The following PDE3A variants were observed in gnomAD, a reference collection of about 807,000 sequenced individuals.
PDE3A encodes phosphodiesterase 3A.
PDE3A carries 43 observed loss-of-function variants against 98.3 expected under a neutral mutation model. The ratio of observed to expected loss-of-function variants is 0.44; its 90% CI spans 0.34 to 0.56. The LOEUF (loss-of-function observed/expected upper bound fraction) is 0.56, where lower values mean the gene tolerates loss of function less well. PDE3A is among the 20% of genes least tolerant of loss of function. The pLI is 0.01. For synonymous variants in PDE3A, 663 were observed against 567.9 expected (o/e 1.17, Z -2.38); for missense variants, 1,427 against 1,440.7 (o/e 0.99, Z 0.15).
At position 20,481,764 on chromosome 12, in the gene PDE3A, ATTTT is replaced by A. The variant is rs10657239; in HGVS notation, c.961-74877_961-74874del. Reference sequence around the variant, plus strand: ...TCCATGTAAGTGACTTGGGAAATAGATTTTTTTTTTTTTTTTTTTTTTGAGCAGA... The same window carrying A: ...TCCATGTAAGTGACTTGGGAAATAGATTTTTTTTTTTTTTTTTTGAGCAGA... On this transcript the variant is annotated intron_variant, in intron 1 of 15. Coordinates refer to ENST00000359062, the MANE Select transcript of PDE3A (RefSeq NM_000921.5). 1.6e-4 allele frequency among the ~76,000 whole-genome samples: 13 copies of A among 79,596 alleles called. No individual in the cohort carries two copies. In the East Asian group the frequency reaches 4.5e-3, roughly 28 times the overall value. The allele number at this position is 79,596 out of a possible 152,430, so 52.2% of individuals were successfully genotyped here. A position where few individuals can be genotyped will look rare whatever the true frequency, so the allele number is the denominator to read the frequency against.
At chr12:20,580,082 T>C (rs1171818701) in intron 2 of PDE3A, among the ~76,000 whole-genome samples, 4 of 152,174 alleles carry the variant, frequency 2.6e-5, no homozygotes, top group Non-Finnish European at 5.9e-5. Flanking sequence ...TAAACTATAA[T>C]CAATTAAAAT....
rs369022716 is a variant in PDE3A at position 20,388,661 on chromosome 12, A to G, written c.960+18417A>G. Among the ~76,000 whole-genome samples, 313 of 152,162 alleles carry G rather than the reference A, an allele frequency of 2.1e-3. 1 individual carries two copies. Among genetic ancestry groups the G allele is most frequent in the African/African-American group, 7.1e-3 (297 of 41,544 alleles). ...CAGGTTCATAATGATTTTTGTTTAAAGTAATGAGCATGTTTTCTAAAAATG... is the reference window on the plus strand; with the variant it reads ...CAGGTTCATAATGATTTTTGTTTAAGGTAATGAGCATGTTTTCTAAAAATG... On this transcript the variant is annotated intron_variant, in intron 1 of 15. Transcript: ENST00000359062.
rs551304108 is a variant in PDE3A, at chr12:20,555,310, C to T, written c.961-1350C>T. 8.5e-5 allele frequency among the ~76,000 whole-genome samples: 13 copies of T among 152,250 alleles called. No individual in the cohort carries two copies. In the South Asian group the frequency reaches 1.4e-3, roughly 17 times the overall value. On this transcript the variant is annotated intron_variant, in intron 1 of 15. Transcript: ENST00000359062. ...ATTACAGGCATAAGCCACTGCGCCC[C>T]GGCCTCTAATGGATTCTTTTTTATT...
intron 4 of PDE3A, among the ~76,000 whole-genome samples, chr12:20,617,993 C>A (rs1343261119): frequency 2.0e-5 from 3 of 152,076 alleles, no homozygotes; most frequent in East Asian, 3.8e-4. Flanking sequence ...AAAATACTTA[C>A]AATAGAAATA....
Position 20,552,652 on chromosome 12 carries a change from A to C in PDE3A, c.961-4008A>C. On this transcript the variant is annotated intron_variant, in intron 1 of 15. Transcript: ENST00000359062. This position sits in a 1 kb window ranked among gnomAD's most constrained non-coding sequence, Gnocchi z 5.1. ...CAAGAAAACCAAGGTGGAGCCCTAC[A>C]GTCTCACGGCCCAGCAGAGCAGCCT... 8 of 1,613,926 alleles carry C rather than the reference A, an allele frequency of 5.0e-6. No individual in the cohort carries two copies. The South Asian group carries it at 8.8e-5, about 18-fold the overall frequency.
chr12:20,623,918 A>T (rs910617461), intron 5 of PDE3A, among the ~76,000 whole-genome samples: 3 of 152,150 alleles, frequency 2.0e-5, no homozygotes, highest in Non-Finnish European at 4.4e-5. Context: ...CCAAACAAAC[A>T]TTAAATTCAT....
chr12:20,440,803 C>T (rs1466820165), intron 1 of PDE3A, among the ~76,000 whole-genome samples: 1 of 152,108 alleles, frequency 6.6e-6, no homozygotes, highest in Non-Finnish European at 1.5e-5. Context: ...TCCCTTTCTG[C>T]TCCTGGAGCT....
chr12:20,370,409 GTT>G (rs372135967), intron 1 of PDE3A, 165 bp downstream of exon 1: 3,848 of 296,584 alleles, frequency 0.013, 111 homozygotes, highest in African/African-American at 0.088. Context: ...TGTTTTTTTT[GTT>G]TTTTTTTTTT....
chr12:20,384,711 A>G (rs1419957008), intron 1 of PDE3A, among the ~76,000 whole-genome samples: 2 of 151,572 alleles, frequency 1.3e-5, no homozygotes, highest in Non-Finnish European at 2.9e-5. Flanking sequence ...AGACTCCAGC[A>G]TGTTGTTCCC....
Position 20,414,463 on chromosome 12 carries a change from TAA to T in PDE3A, c.960+44220_960+44221del, listed in dbSNP as rs375489066. Among the ~76,000 whole-genome samples, 263 of 152,336 alleles carry T rather than the reference TAA, an allele frequency of 1.7e-3. 4 individuals are homozygous for T. Among genetic ancestry groups the T allele is most frequent in the African/African-American group, 6.3e-3 (261 of 41,582 alleles). On this transcript the variant is annotated intron_variant, in intron 1 of 15. Transcript: ENST00000359062. ...TCTAAGTCATGCATAGAAAGTCTCCTAAGTCTATGTTTCTTGTGTAGGTTTTG... is the reference window on the plus strand; with the variant it reads ...TCTAAGTCATGCATAGAAAGTCTCCTGTCTATGTTTCTTGTGTAGGTTTTG...
intron 1 of PDE3A, chr12:20,371,305 A>G (rs1943470392): frequency 1.0e-6 from 1 of 975,684 alleles, no homozygotes; most frequent in Non-Finnish European, 1.2e-6. Context: ...ATGCCTCCCT[A>G]GTTGAAGCAG....
intron 1 of PDE3A, among the ~76,000 whole-genome samples, chr12:20,529,891 C>G (rs1946592591): frequency 6.6e-6 from 1 of 152,130 alleles, no homozygotes; most frequent in African/African-American, 2.4e-5. Flanking sequence ...AGTCTGGAAC[C>G]CAGTTTAATT....
chr12:20,646,666 G>C, intron 11 of PDE3A, 63 bp downstream of exon 11: 1 of 1,421,814 alleles, frequency 7.0e-7, no homozygotes, highest in Non-Finnish European at 9.9e-7. Context: ...TTTTGTTTTT[G>C]TTTTTTTTCA....
intron 1 of PDE3A, among the ~76,000 whole-genome samples, chr12:20,497,162 A>G (rs1945935150): frequency 6.6e-6 from 1 of 152,238 alleles, no homozygotes; most frequent in East Asian, 1.9e-4. Context: ...GCAATTATTT[A>G]GGAAACATTC....
chr12:20,657,348 G>A (rs1041168167), intron 15 of PDE3A, among the ~76,000 whole-genome samples: 3 of 152,108 alleles, frequency 2.0e-5, no homozygotes, highest in Admixed American at 6.6e-5. Flanking sequence ...TTGGCTCTCA[G>A]TAATGTTAAT....
chr12:20,371,504 T>C, intron 1 of PDE3A: 1 of 963,288 alleles, frequency 1.0e-6, no homozygotes, highest in Non-Finnish European at 1.2e-6. Flanking sequence ...GGTTATTCTG[T>C]GGATAATCAT....
intron 1 of PDE3A, among the ~76,000 whole-genome samples, chr12:20,418,954 G>T (rs1471746925): frequency 6.6e-6 from 1 of 151,846 alleles, no homozygotes; most frequent in African/African-American, 2.4e-5. Context: ...TCTCTTGTTA[G>T]GCTTGTTGAT....
intron 1 of PDE3A, among the ~76,000 whole-genome samples, chr12:20,488,516 T>A (rs1318883204): frequency 6.6e-6 from 1 of 152,074 alleles, no homozygotes; most frequent in Non-Finnish European, 1.5e-5. Context: ...AAGAATTAGC[T>A]TCTTCAGTAT....
intron 4 of PDE3A, among the ~76,000 whole-genome samples, chr12:20,618,008 A>C (rs1944046389): frequency 6.6e-6 from 1 of 152,174 alleles, no homozygotes; most frequent in South Asian, 2.1e-4. Flanking sequence ...GAAATAAGGA[A>C]TAGCATACAA....
Sources: gnomAD v4.1 joint callset for allele counts (sites outside exome capture counted in the v4.1 genomes callset) on GRCh38, gnomAD v4.1.1 for gene constraint, Gnocchi (gnomAD v3.1) non-coding constraint, MANE v1.5 for transcripts, NCBI Gene and HGNC (gene_info 2026-07-23, HGNC 2026-07-21) for gene names.